Variants in CNGA1 observed in about 807,000 individuals in gnomAD.
CNGA1 encodes cyclic nucleotide-gated channel alpha-1.
CNGA1 carries 53 observed loss-of-function variants against 69.7 expected under a neutral mutation model. That is an observed-to-expected ratio of 0.76 (90% CI 0.61 to 0.96). CNGA1 has a LOEUF of 0.96. Ranked by LOEUF, CNGA1 falls within the 40% of genes least tolerant of loss-of-function variation. CNGA1 has a pLI of 0.00. For missense variants in CNGA1, 739 were observed against 811.2 expected (o/e 0.91, Z 1.08); for synonymous variants, 249 against 283.5 (o/e 0.88, Z 1.22).
chr4:47,997,256 G>A (rs1299001476), intron 2 of CNGA1, among the ~76,000 whole-genome samples: 2 of 152,056 alleles, frequency 1.3e-5, no homozygotes, highest in Non-Finnish European at 2.9e-5. Flanking sequence ...AACTTTTGTT[G>A]CTGCTGCCAC....
At chr4:47,950,816 C>T (rs1245303317) in intron 5 of CNGA1, among the ~76,000 whole-genome samples, 3 of 152,168 alleles carry the variant, frequency 2.0e-5, no homozygotes, top group Admixed American at 2.0e-4. Context: ...TTTTGCTTTT[C>T]TCTTCTAGCA....
At chr4:48,002,683 C>CAAAAA (rs34405949) in intron 2 of CNGA1, among the ~76,000 whole-genome samples, 2 of 117,776 alleles carry the variant, frequency 1.7e-5, no homozygotes, top group South Asian at 3.0e-4. Flanking sequence ...GTCAGACATG[C>CAAAAA]AAAAAAAAAA....
chr4:47,975,635 G>C (rs1456531125), intron 3 of CNGA1, among the ~76,000 whole-genome samples: 2 of 152,098 alleles, frequency 1.3e-5, no homozygotes, highest in African/African-American at 2.4e-5. Context: ...TTTGTGCCCT[G>C]TTATAATCCC....
At chr4:47,942,855 C>G (rs2882950) in intron 8 of CNGA1, 163,101 of 197,608 alleles carry the variant, frequency 0.83, 67,602 homozygotes, top group East Asian at 0.98. Flanking sequence ...ATCCTAGAAA[C>G]CTAATCCTCC....
rs1390121708 is a variant in CNGA1 at position 47,942,105 on chromosome 4, A to G, written c.481T>C (p.Tyr161His). The change falls in exon 9 of 11, where the codon TAT (tyrosine) becomes CAT (histidine). Residue 161 changes from tyrosine (Y) to histidine (H), a missense_variant. Transcript: ENST00000514170. ...GTGATGCAAAACAGCCAGTTGTAAT[A>G]TGTGTTTCCCGAGGGATCAATAACC... is the stretch of plus-strand genomic sequence containing the variant. ...VVVIDPSGNT[Y>H]YNWLFCITLP... is the part of the protein sequence containing the mutation. The G allele has an allele frequency of 1.9e-6, 3 of 1,613,794 alleles. No homozygotes were observed. The highest frequency in any genetic ancestry group is 2.5e-6 in the Non-Finnish European group (3 of 1,179,868).
Position 47,936,129 on chromosome 4 carries a change from A to G in CNGA1, c.*292T>C, listed in dbSNP as rs1303259005. ...GGCTACTTATTCATTTTTATGAAGA[A>G]TATTACATAAAATGAGCGTATGTGA... On this transcript the variant is annotated 3_prime_UTR_variant, in exon 11 of 11. Transcript: ENST00000514170. 4.4e-6 allele frequency: 2 copies of G among 452,406 alleles called. No individual in the cohort carries two copies. The highest frequency in any genetic ancestry group is 7.9e-6 in the Non-Finnish European group (2 of 252,414). The allele number at this position is 452,406 out of a possible 1,614,324, so 28.0% of individuals were successfully genotyped here.
chr4:47,981,561 G>A (rs1741715256), intron 2 of CNGA1, 61 bp from the exon 3 acceptor site: 1 of 152,020 alleles, frequency 6.6e-6, no homozygotes, highest in Non-Finnish European at 1.5e-5. Flanking sequence ...ATACACAAAT[G>A]GCTAGTTTTC....
intron 1 of CNGA1, among the ~76,000 whole-genome samples, chr4:48,014,397 T>A (rs1307472722): frequency 6.9e-6 from 1 of 144,892 alleles, no homozygotes; most frequent in Non-Finnish European, 1.5e-5. Context: ...TTTTTCTGAA[T>A]TTTTTCTCTT....
chr4:47,995,620 C>T (rs1222284600), intron 2 of CNGA1, among the ~76,000 whole-genome samples: 1 of 147,920 alleles, frequency 6.8e-6, no homozygotes, highest in Non-Finnish European at 1.5e-5. Context: ...AGCTTAATAA[C>T]TAACCCCCTG....
intron 3 of CNGA1, among the ~76,000 whole-genome samples, chr4:47,964,596 A>G (rs1740624917): frequency 6.6e-6 from 1 of 152,006 alleles, no homozygotes; most frequent in South Asian, 2.1e-4. Flanking sequence ...TATACAGTAG[A>G]GATTTAGCTT....
chr4:47,957,933 C>T (rs928693357), intron 3 of CNGA1, among the ~76,000 whole-genome samples: 3 of 140,970 alleles, frequency 2.1e-5, no homozygotes, highest in African/African-American at 7.8e-5. Context: ...CTTGCTCTGT[C>T]GCCCAGGATG....
Position 47,939,047 on chromosome 4 carries a change from AAGGAAAGAAAGAAAG to A in CNGA1, c.653-1233_653-1219del, listed in dbSNP as rs1485159688. ...AAGAAAGAAAGAGAAAGAAAGAAAG[AAGGAAAGAAAGAAAG>A]AGGAAAGAAAGAAAAAGAAAAGTGT... On this transcript the variant is annotated intron_variant, in intron 10 of 10. Transcript: ENST00000514170. Among the ~76,000 whole-genome samples, 11 of 152,066 alleles carry A rather than the reference AAGGAAAGAAAGAAAG, an allele frequency of 7.2e-5. No homozygotes were observed. The East Asian group carries it at 1.7e-3, about 24-fold the overall frequency.
chr4:47,954,098 G>T (rs185545258), intron 3 of CNGA1, among the ~76,000 whole-genome samples: 158 of 152,248 alleles, frequency 1.0e-3, no homozygotes, highest in Admixed American at 1.8e-3. Context: ...GCAGAGAGCG[G>T]CAGAGAGTGG....
chr4:47,939,702 A>T (rs1449112034), intron 10 of CNGA1, among the ~76,000 whole-genome samples: 1 of 152,302 alleles, frequency 6.6e-6, no homozygotes, highest in East Asian at 1.9e-4. Flanking sequence ...GGTGTTACAG[A>T]ATTGCTTGGT....
chr4:47,990,793 G>A (rs1022091181), intron 2 of CNGA1, among the ~76,000 whole-genome samples: 1 of 152,136 alleles, frequency 6.6e-6, no homozygotes, highest in African/African-American at 2.4e-5. Context: ...AGGGAAAATA[G>A]AAAGAACCTA....
At chr4:48,012,489 TTAG>T (rs887026155) in intron 1 of CNGA1, among the ~76,000 whole-genome samples, 13 of 150,936 alleles carry the variant, frequency 8.6e-5, no homozygotes, top group African/African-American at 3.1e-4. Flanking sequence ...CAAAGCCCCT[TTAG>T]TAGTCAAAAT....
chr4:47,963,282 T>C (rs1740561003), intron 3 of CNGA1, among the ~76,000 whole-genome samples: 2 of 152,258 alleles, frequency 1.3e-5, no homozygotes, highest in Non-Finnish European at 2.9e-5. Flanking sequence ...GTGAGTTTGC[T>C]GGTATTATTT....
At chr4:48,001,494 T>A (rs1463099562) in intron 2 of CNGA1, among the ~76,000 whole-genome samples, 1 of 152,122 alleles carries the variant, frequency 6.6e-6, no homozygotes, top group Non-Finnish European at 1.5e-5. Context: ...CACAGCTGAT[T>A]TAGCTATATT....
At chr4:47,947,439 C>T in intron 6 of CNGA1, among the ~76,000 whole-genome samples, 1 of 152,148 alleles carries the variant, frequency 6.6e-6, no homozygotes, top group East Asian at 1.9e-4. Flanking sequence ...CTTTAGGACG[C>T]TGAGGTGGGA....
Sources: allele counts gnomAD v4.1 joint callset (sites outside exome capture counted in the v4.1 genomes callset), GRCh38; gene constraint gnomAD v4.1.1; transcripts MANE v1.5; gene names NCBI Gene and HGNC (gene_info 2026-07-23, HGNC 2026-07-21).